Variants in LRGUK observed in about 807,000 individuals in gnomAD.
The protein encoded by LRGUK is leucine rich repeats and guanylate kinase domain containing, also known as leucine-rich repeat and guanylate kinase domain-containing protein.
A neutral mutation model predicts 76.0 loss-of-function variants in LRGUK; 65 were observed. That is an observed-to-expected ratio of 0.85 (90% CI 0.70 to 1.05). The LOEUF (loss-of-function observed/expected upper bound fraction) is 1.05. LRGUK is among the 50% of genes least tolerant of loss of function. The pLI is 0.00. For missense variants in LRGUK, 758 were observed against 732.8 expected (o/e 1.03, Z -0.40); for synonymous variants, 268 against 265.6 (o/e 1.01, Z -0.09).
downstream of LRGUK, among the ~76,000 whole-genome samples, chr7:134,212,975 T>C (rs946739505): frequency 6.6e-6 from 1 of 152,140 alleles, no homozygotes; most frequent in Non-Finnish European, 1.5e-5. Flanking sequence ...GATACAAACA[T>C]TGGATCAGGA....
intron 15 of LRGUK, among the ~76,000 whole-genome samples, chr7:134,208,237 T>C (rs960353640): frequency 6.6e-6 from 1 of 152,140 alleles, no homozygotes. Flanking sequence ...GACATAACTC[T>C]TCACAGAGCT....
intron 5 of LRGUK, among the ~76,000 whole-genome samples, chr7:134,152,700 C>T (rs940574080): frequency 1.3e-5 from 2 of 151,924 alleles, no homozygotes; most frequent in Admixed American, 6.6e-5. Flanking sequence ...GTTGAGCATC[C>T]AAGTTCACCA....
intron 16 of LRGUK, among the ~76,000 whole-genome samples, chr7:134,234,923 C>T (rs1801979757): frequency 6.6e-6 from 1 of 152,124 alleles, no homozygotes; most frequent in South Asian, 2.1e-4. Context: ...GTACTCTTTT[C>T]TCTCCCAACC....
chr7:134,237,027 G>T (rs1236795147), intron 16 of LRGUK, among the ~76,000 whole-genome samples: 2 of 149,924 alleles, frequency 1.3e-5, no homozygotes, highest in Non-Finnish European at 3.0e-5. Flanking sequence ...TACAGGATCA[G>T]CAGGCTAAAT....
chr7:134,256,729 A>G (rs1585607397), intron 18 of LRGUK, among the ~76,000 whole-genome samples: 1 of 152,124 alleles, frequency 6.6e-6, no homozygotes, highest in African/African-American at 2.4e-5. Context: ...CTTAACTAAA[A>G]TGGCACTTCC....
At chr7:134,134,995 A>T (rs890908555) in intron 1 of LRGUK, among the ~76,000 whole-genome samples, 5 of 152,186 alleles carry the variant, frequency 3.3e-5, no homozygotes, top group African/African-American at 1.2e-4. Context: ...CCTAGCTTTT[A>T]TAGCTGGGTC....
intron 5 of LRGUK, among the ~76,000 whole-genome samples, chr7:134,148,742 T>C (rs1798081690): frequency 6.6e-6 from 1 of 152,076 alleles, no homozygotes; most frequent in Non-Finnish European, 1.5e-5. Flanking sequence ...CTGGCCAACA[T>C]GGCGGAAACC....
intron 12 of LRGUK, among the ~76,000 whole-genome samples, chr7:134,196,754 T>G (rs191945355): frequency 6.6e-6 from 1 of 152,322 alleles, no homozygotes; most frequent in Non-Finnish European, 1.5e-5. Flanking sequence ...CTCCTCAACA[T>G]TTTGTCAGCA....
At chr7:134,141,622 AG>A (rs1421764892) in intron 3 of LRGUK, 2 of 152,202 alleles carry the variant, frequency 1.3e-5, no homozygotes, top group African/African-American at 2.4e-5. Flanking sequence ...GCTAAGTACT[AG>A]CTGCTGCTTC....
At chr7:134,165,463 C>G (rs1406909034) in intron 7 of LRGUK, among the ~76,000 whole-genome samples, 18 of 152,102 alleles carry the variant, frequency 1.2e-4, no homozygotes, top group Admixed American at 3.3e-4. Flanking sequence ...TGTAATGCCC[C>G]AATACAGTGC....
intron 8 of LRGUK, among the ~76,000 whole-genome samples, chr7:134,174,870 G>T (rs537874978): frequency 6.6e-6 from 1 of 152,208 alleles, no homozygotes; most frequent in Non-Finnish European, 1.5e-5. Flanking sequence ...ATGACTGTCA[G>T]CGAAGGAAAG....
chr7:134,192,885 A>G (rs1276002623), intron 12 of LRGUK, among the ~76,000 whole-genome samples: 2 of 152,128 alleles, frequency 1.3e-5, no homozygotes, highest in African/African-American at 2.4e-5. Flanking sequence ...TTACCATCCA[A>G]CTGGTGATTC....
intron 16 of LRGUK, among the ~76,000 whole-genome samples, chr7:134,235,315 A>G: frequency 6.6e-6 from 1 of 151,888 alleles, no homozygotes; most frequent in East Asian, 1.9e-4. Flanking sequence ...TGTACCTCTA[A>G]CCCACCAGCA....
chr7:134,210,312 G>A, downstream of LRGUK: 1 of 398,636 alleles, frequency 2.5e-6, no homozygotes, highest in Non-Finnish European at 4.4e-6. Flanking sequence ...GAGAAGCAAA[G>A]TCCATACACC....
chr7:134,143,872 TG>T (rs1210076392), intron 4 of LRGUK, among the ~76,000 whole-genome samples: 1 of 151,372 alleles, frequency 6.6e-6, no homozygotes, highest in African/African-American at 2.4e-5. Context: ...AGGTCTGGGG[TG>T]GGGCCTGAGC....
At chr7:134,148,577 G>A (rs540585975) in intron 5 of LRGUK, among the ~76,000 whole-genome samples, 45 of 152,082 alleles carry the variant, frequency 3.0e-4, no homozygotes, top group Non-Finnish European at 5.3e-4. Context: ...TCATTTTTCC[G>A]ATAAATGTAG....
chr7:134,147,986 C>T lies in LRGUK; in HGVS notation c.589-252C>T, dbSNP rs185284292. 3.0e-4 allele frequency among the ~76,000 whole-genome samples: 44 copies of T among 148,638 alleles called. 1 individual carries two copies. In the East Asian group the frequency reaches 4.9e-3, roughly 17 times the overall value. On this transcript the variant is annotated intron_variant, in intron 4 of 15. Coordinates refer to ENST00000645682, the Ensembl canonical transcript of LRGUK. ...CTGAGGCAGGAGAATCATTTGAATC[C>T]GGGAGGTGGAGGTTGCAGTGAGCTG...
At chr7:134,163,179 A>G (rs559253924) in intron 6 of LRGUK, among the ~76,000 whole-genome samples, 3 of 152,252 alleles carry the variant, frequency 2.0e-5, no homozygotes, top group South Asian at 4.1e-4. Context: ...TGAAAATATT[A>G]TATTCTGAAT....
intron 16 of LRGUK, among the ~76,000 whole-genome samples, chr7:134,229,213 A>T (rs1801831390): frequency 6.6e-6 from 1 of 152,108 alleles, no homozygotes. Context: ...AAATACAAAA[A>T]TTAGCCAGGC....
Sources: allele counts gnomAD v4.1 joint callset (sites outside exome capture counted in the v4.1 genomes callset), GRCh38; gene constraint gnomAD v4.1.1; transcripts MANE v1.5; gene names NCBI Gene and HGNC (gene_info 2026-07-23, HGNC 2026-07-21).